Variants in SAMMSON observed in about 807,000 individuals in gnomAD.
The protein encoded by SAMMSON is long intergenic non-protein coding RNA 1212.
At chr3:70,310,114 T>C (rs1702441395) in intron 7 of SAMMSON, among the ~76,000 whole-genome samples, 1 of 152,142 alleles carries the variant, frequency 6.6e-6, no homozygotes, top group Non-Finnish European at 1.5e-5. Context: ...TGTTCTACTT[T>C]TTTTCCTTCT....
intron 7 of SAMMSON, among the ~76,000 whole-genome samples, chr3:70,329,874 C>T (rs1702608528): frequency 6.6e-6 from 1 of 151,868 alleles, no homozygotes; most frequent in Admixed American, 6.6e-5. Context: ...TAAAGATTTT[C>T]ATCTTTTTGT....
At chr3:70,132,770 TAAA>T (rs79327577) in intron 4 of SAMMSON, among the ~76,000 whole-genome samples, 15 of 93,372 alleles carry the variant, frequency 1.6e-4, no homozygotes, top group Admixed American at 3.3e-4. Flanking sequence ...GATGAGACCC[TAAA>T]AAAAAAAAAA....
At chr3:70,039,240 G>A (rs769499248) in intron 3 of SAMMSON, among the ~76,000 whole-genome samples, 8 of 151,998 alleles carry the variant, frequency 5.3e-5, no homozygotes, top group Non-Finnish European at 8.8e-5. Context: ...ATTTAAAATC[G>A]TCCAAAAGCC....
chr3:70,017,279 G>A (rs556763035), intron 3 of SAMMSON, among the ~76,000 whole-genome samples: 80 of 152,212 alleles, frequency 5.3e-4, no homozygotes, highest in African/African-American at 1.9e-3. Context: ...GTGGTTTGTA[G>A]TTCTCCTTGA....
intron 4 of SAMMSON, among the ~76,000 whole-genome samples, chr3:70,116,310 T>TTA: frequency 1.3e-5 from 2 of 150,446 alleles, no homozygotes; most frequent in Middle Eastern, 6.8e-3. Context: ...TTTTTTTTTT[T>TTA]AAAGAAAATA....
At chr3:70,294,499 A>G (rs1277390930) in intron 7 of SAMMSON, among the ~76,000 whole-genome samples, 1 of 152,168 alleles carries the variant, frequency 6.6e-6, no homozygotes, top group Admixed American at 6.6e-5. Flanking sequence ...AGAGATCCCA[A>G]AAATGACTAT....
chr3:70,423,257 C>T (rs1701326334), intron 2 of SAMMSON, among the ~76,000 whole-genome samples: 1 of 152,046 alleles, frequency 6.6e-6, no homozygotes, highest in Admixed American at 6.6e-5. Flanking sequence ...ATTTTGTATT[C>T]TTTGTGCTTT....
intron 4 of SAMMSON, among the ~76,000 whole-genome samples, chr3:70,230,596 G>A (rs1198420062): frequency 6.6e-6 from 1 of 152,062 alleles, no homozygotes; most frequent in African/African-American, 2.4e-5. Context: ...TCTACTTATT[G>A]TTTATTATTT....
intron 9 of SAMMSON, among the ~76,000 whole-genome samples, chr3:70,377,509 A>T (rs1411171326): frequency 6.6e-6 from 1 of 152,136 alleles, no homozygotes; most frequent in Non-Finnish European, 1.5e-5. Flanking sequence ...TGGGTAAAAG[A>T]TTAAATTTTT....
At chr3:70,150,575 CAT>C (rs2067567372) in intron 4 of SAMMSON, among the ~76,000 whole-genome samples, 2 of 151,864 alleles carry the variant, frequency 1.3e-5, no homozygotes, top group African/African-American at 2.4e-5. Context: ...CCCCAAATAC[CAT>C]ATGTTTAAAT....
At chr3:70,016,671 T>C (rs1444776812) in intron 3 of SAMMSON, among the ~76,000 whole-genome samples, 1 of 152,214 alleles carries the variant, frequency 6.6e-6, no homozygotes, top group African/African-American at 2.4e-5. Context: ...CATGCCTGTG[T>C]CCTGAATGGT....
intron 4 of SAMMSON, among the ~76,000 whole-genome samples, chr3:70,076,202 A>C (rs1388349186): frequency 1.3e-5 from 2 of 152,128 alleles, no homozygotes; most frequent in African/African-American, 4.8e-5. Context: ...TTATGTGAAT[A>C]GAAATTTAGG....
intron 8 of SAMMSON, among the ~76,000 whole-genome samples, chr3:70,357,549 A>G (rs1702838543): frequency 6.6e-6 from 1 of 152,096 alleles, no homozygotes; most frequent in Non-Finnish European, 1.5e-5. Context: ...GAGCACATGG[A>G]CACAGAGTGG....
rs17007237 is a variant in SAMMSON, at chr3:70,413,909, T to C, written n.234-48651T>C. ...CACCTTTTGTTACCTTTACAGTCTG[T>C]CTAAACAGTGTGCTTGAAGGCTCAA... On this transcript the variant is annotated intron_variant and non_coding_transcript_variant, in intron 2 of 3. Coordinates refer to the SAMMSON transcript ENST00000641053. Among the ~76,000 whole-genome samples the C allele has an allele frequency of 9.1e-3, 1,391 of 152,246 alleles. 53 individuals are homozygous for C. The East Asian group carries it at 0.11, about 12-fold the overall frequency.
chr3:70,191,252 A>G (rs541809154), intron 4 of SAMMSON, among the ~76,000 whole-genome samples: 3 of 152,360 alleles, frequency 2.0e-5, no homozygotes, highest in East Asian at 1.9e-4. Context: ...TTGAGGAACA[A>G]TAAACCATAA....
intron 4 of SAMMSON, among the ~76,000 whole-genome samples, chr3:70,154,099 T>A (rs2067582489): frequency 6.6e-6 from 1 of 151,984 alleles, no homozygotes; most frequent in Admixed American, 6.6e-5. Flanking sequence ...ACTGACTTTT[T>A]TTTTTCCAGC....
intron 4 of SAMMSON, among the ~76,000 whole-genome samples, chr3:70,193,179 G>A (rs1275872843): frequency 6.6e-6 from 1 of 152,044 alleles, no homozygotes; most frequent in South Asian, 2.1e-4. Context: ...CACAGCTCTG[G>A]CCCCCACCTG....
intron 4 of SAMMSON, among the ~76,000 whole-genome samples, chr3:70,096,681 A>T (rs1179611649): frequency 1.3e-5 from 2 of 152,190 alleles, no homozygotes; most frequent in Non-Finnish European, 2.9e-5. Flanking sequence ...AAGGCCATAA[A>T]TACCAAGAGA....
intron 4 of SAMMSON, among the ~76,000 whole-genome samples, chr3:70,182,135 G>GGTGTCTAAT (rs1218664837): frequency 1.3e-5 from 2 of 152,098 alleles, no homozygotes; most frequent in Non-Finnish European, 2.9e-5. Context: ...GTAGGAAGCA[G>GGTGTCTAAT]GTGTCTAATG....
Sources: gnomAD v4.1 joint callset for allele counts (sites outside exome capture counted in the v4.1 genomes callset) on GRCh38, gnomAD v4.1.1 for gene constraint, MANE v1.5 for transcripts, NCBI Gene and HGNC (gene_info 2026-07-23, HGNC 2026-07-21) for gene names.